The following CCDC77 variants were observed in gnomAD, a reference collection of about 807,000 sequenced individuals.
CCDC77 encodes the protein coiled-coil domain containing 77.
CCDC77 carries 56 observed loss-of-function variants against 66.8 expected under a neutral mutation model. That is an observed-to-expected ratio of 0.84 (90% CI 0.68 to 1.05). The LOEUF (loss-of-function observed/expected upper bound fraction) is 1.05. Among genes scored for constraint, CCDC77 ranks in the 50% least tolerant of loss-of-function variants. The probability of loss-of-function intolerance (pLI) is 0.00; values close to 1 mark genes in which losing one functional copy is unlikely to be tolerated. For synonymous variants in CCDC77, 196 were observed against 195.2 expected, an observed-to-expected ratio of 1.00 and a Z score of -0.03; for missense variants, 570 against 576.8, an observed-to-expected ratio of 0.99 and a Z score of 0.12.
In CCDC77 at chr12:408,386, C is replaced by T. The variant is rs542362928; in HGVS notation, c.-16-982C>T. On this transcript the variant is annotated intron_variant, in intron 2 of 12. Coordinates refer to ENST00000239830, the MANE Select transcript of CCDC77 (RefSeq NM_032358.4). ...CAATTGAGATGGAGATTATGAAGAG[C>T]CTTTTAAAGTTTATAAGTAATTTTT... is the stretch of plus-strand genomic sequence containing the variant. Among the ~76,000 whole-genome samples, 18 of 151,178 alleles carry T rather than the reference C, an allele frequency of 1.2e-4. No homozygotes were observed. In the East Asian group the frequency reaches 3.7e-3, roughly 31 times the overall value.
chr12:404,207 T>C (rs1196964288), intron 1 of CCDC77, among the ~76,000 whole-genome samples: 1 of 151,930 alleles, frequency 6.6e-6, no homozygotes, highest in Non-Finnish European at 1.5e-5. Flanking sequence ...TCCCAGCCAC[T>C]GGGGAGGCTG....
chr12:397,582 C>G (rs1205125687), upstream of CCDC77, among the ~76,000 whole-genome samples: 1 of 151,988 alleles, frequency 6.6e-6, no homozygotes, highest in Non-Finnish European at 1.5e-5. Context: ...TTACACGATA[C>G]TGTAGTCTAG....
At chr12:427,695 C>T (rs1192447308) in intron 5 of CCDC77, among the ~76,000 whole-genome samples, 2 of 151,914 alleles carry the variant, frequency 1.3e-5, no homozygotes, top group African/African-American at 2.4e-5. Flanking sequence ...AGGCTGGTCT[C>T]GAACTCCTGA....
intron 3 of CCDC77, 200 bp downstream of exon 3, chr12:409,621 A>G (rs80187714): frequency 0.032 from 18,704 of 581,698 alleles, 1,954 homozygotes; most frequent in East Asian, 0.29. Context: ...CACTCAAGCA[A>G]TCCTCCCACC....
chr12:429,681 A>C (rs1945612324), intron 6 of CCDC77, among the ~76,000 whole-genome samples: 1 of 151,716 alleles, frequency 6.6e-6, no homozygotes, highest in African/African-American at 2.4e-5. Flanking sequence ...CTGGTCTCGA[A>C]CTCCTGAGCT....
chr12:434,400 T>C (rs1945710173), intron 9 of CCDC77, among the ~76,000 whole-genome samples: 1 of 151,070 alleles, frequency 6.6e-6, no homozygotes, highest in Non-Finnish European at 1.5e-5. Flanking sequence ...TCGCCCAGGC[T>C]GGAGTGCAGT....
At chr12:428,710 A>G in intron 5 of CCDC77, 59 bp from the exon 6 acceptor site, 1 of 1,181,898 alleles carries the variant, frequency 8.5e-7, no homozygotes, top group Non-Finnish European at 1.2e-6. Flanking sequence ...TTTAAACAGA[A>G]AAAGGTTACT....
At chr12:412,708 G>C (rs1747927195) in intron 4 of CCDC77, among the ~76,000 whole-genome samples, 1 of 152,184 alleles carries the variant, frequency 6.6e-6, no homozygotes, top group African/African-American at 2.4e-5. Flanking sequence ...TCACAAATCA[G>C]TACAGAATGA....
chr12:415,262 T>C (rs1233933124), intron 4 of CCDC77, among the ~76,000 whole-genome samples: 1 of 149,266 alleles, frequency 6.7e-6, no homozygotes, highest in Non-Finnish European at 1.5e-5. Flanking sequence ...TAATATTTAT[T>C]AACATAATTA....
chr12:415,538 A>AATATGTTGATATTAACATAATTATTAAC (rs1945237452), intron 4 of CCDC77, among the ~76,000 whole-genome samples: 1 of 143,082 alleles, frequency 7.0e-6, no homozygotes, highest in Admixed American at 6.8e-5. Flanking sequence ...TTATTAACAT[A>AATATGTTGATATTAACATAATTATTAAC]ATAATATGTT....
At chr12:398,623 G>A (rs10848905), upstream of CCDC77, among the ~76,000 whole-genome samples, 106,590 of 151,814 alleles carry the variant, frequency 0.7, 37,900 homozygotes, top group Admixed American at 0.8. Flanking sequence ...CAGTTATTTC[G>A]TCCATGAAGT....
intron 2 of CCDC77, among the ~76,000 whole-genome samples, chr12:407,866 C>T (rs1248677158): frequency 1.4e-5 from 2 of 138,622 alleles, no homozygotes; most frequent in Admixed American, 8.4e-5. Context: ...CGGCTCACTG[C>T]GACCTCCACC....
intron 1 of CCDC77, chr12:389,548 ACGGGGCGAGG>A (rs368207242): frequency 0.011 from 259 of 24,338 alleles, 2 homozygotes; most frequent in African/African-American, 0.092. Context: ...AGGGAAGCCG[ACGGGGCGAGG>A]CGGGGCGAGG....
intron 3 of CCDC77, 84 bp from the exon 4 acceptor site, chr12:411,663 C>A: frequency 8.7e-7 from 1 of 1,155,698 alleles, no homozygotes; most frequent in Non-Finnish European, 1.2e-6. Flanking sequence ...ACTTTGGGAA[C>A]ACAAAACCCC....
At chr12:427,207 T>A (rs1297089501) in intron 5 of CCDC77, among the ~76,000 whole-genome samples, 1 of 151,554 alleles carries the variant, frequency 6.6e-6, no homozygotes, top group Non-Finnish European at 1.5e-5. Flanking sequence ...ATCATGCCAT[T>A]GCACTCCAGC....
intron 2 of CCDC77, among the ~76,000 whole-genome samples, chr12:408,715 C>T (rs1591963475): frequency 6.6e-6 from 1 of 152,288 alleles, no homozygotes. Context: ...TCTTCTCCTC[C>T]TATCCTATAA....
intron 5 of CCDC77, among the ~76,000 whole-genome samples, chr12:428,465 C>A (rs561784575): frequency 5.5e-5 from 8 of 145,182 alleles, no homozygotes; most frequent in African/African-American, 7.9e-5. Context: ...GAGCCAAGAC[C>A]GCACCATTGC....
At chr12:414,116 G>T (rs1207169025) in intron 4 of CCDC77, among the ~76,000 whole-genome samples, 1 of 149,274 alleles carries the variant, frequency 6.7e-6, no homozygotes, top group Non-Finnish European at 1.5e-5. Flanking sequence ...TTTTGAGACG[G>T]AGTCTCACCC....
At chr12:436,695 A>G in intron 9 of CCDC77, 2 of 790,164 alleles carry the variant, frequency 2.5e-6, no homozygotes, top group Non-Finnish European at 3.1e-6. Context: ...GTAATTTTAT[A>G]TCTGTTTTCC....
Sources: allele counts gnomAD v4.1 joint callset (sites outside exome capture counted in the v4.1 genomes callset), GRCh38; gene constraint gnomAD v4.1.1; transcripts MANE v1.5; gene names NCBI Gene and HGNC (gene_info 2026-07-23, HGNC 2026-07-21).